ZCCHC7: variants seen among roughly 807,000 people sequenced by gnomAD.
The protein encoded by ZCCHC7 is zinc finger CCHC-type containing 7, also known as zinc finger CCHC domain-containing protein 7.
A neutral mutation model predicts 52.0 loss-of-function variants in ZCCHC7; 35 were observed. The ratio of observed to expected loss-of-function variants is 0.67; its 90% CI spans 0.51 to 0.89. ZCCHC7 has a LOEUF of 0.89. Among genes scored for constraint, ZCCHC7 ranks in the 40% least tolerant of loss-of-function variants. The pLI, the probability that ZCCHC7 is intolerant of heterozygous loss-of-function variation, is 0.00. For missense variants in ZCCHC7, 574 were observed against 649.1 expected (o/e 0.88, Z 1.26); for synonymous variants, 217 against 221.5 (o/e 0.98, Z 0.18).
chr9:37,155,007 A>G (rs921412526), intron 2 of ZCCHC7, among the ~76,000 whole-genome samples: 3 of 152,180 alleles, frequency 2.0e-5, no homozygotes, highest in Admixed American at 6.5e-5. Context: ...ACCTCATTGC[A>G]TTTAATATTC....
chr9:37,201,752 G>A (rs1456517353), intron 2 of ZCCHC7, among the ~76,000 whole-genome samples: 3 of 152,166 alleles, frequency 2.0e-5, no homozygotes, highest in Non-Finnish European at 4.4e-5. Flanking sequence ...ATGTGAAAAG[G>A]GCAGAGTAAT....
At chr9:37,350,428 G>A (rs533689092) in intron 7 of ZCCHC7, among the ~76,000 whole-genome samples, 6 of 152,268 alleles carry the variant, frequency 3.9e-5, no homozygotes, top group African/African-American at 9.6e-5. Context: ...CACTGCGCCC[G>A]GCCCAATTTT....
At chr9:37,143,103 CA>C (rs760864190) in intron 2 of ZCCHC7, among the ~76,000 whole-genome samples, 2 of 151,500 alleles carry the variant, frequency 1.3e-5, no homozygotes, top group Admixed American at 6.6e-5. Flanking sequence ...AATTGTCAGA[CA>C]ATTTTTTTTT....
chr9:37,147,336 A>C (rs1843476448), intron 2 of ZCCHC7: 1 of 152,008 alleles, frequency 6.6e-6, no homozygotes, highest in African/African-American at 2.4e-5. Context: ...ACTTTCATTT[A>C]ATGCTTTGTT....
intron 2 of ZCCHC7, among the ~76,000 whole-genome samples, chr9:37,240,965 A>T (rs537236431): frequency 6.6e-6 from 1 of 151,856 alleles, no homozygotes; most frequent in Non-Finnish European, 1.5e-5. Flanking sequence ...GAAATTTTAT[A>T]AAGTATTGAA....
intron 2 of ZCCHC7, among the ~76,000 whole-genome samples, chr9:37,149,663 A>G: frequency 6.6e-6 from 1 of 152,176 alleles, no homozygotes; most frequent in Admixed American, 6.5e-5. Flanking sequence ...GTAGATTCTT[A>G]TTATAGTGTT....
chr9:37,338,447 A>C (rs558938035), intron 6 of ZCCHC7, among the ~76,000 whole-genome samples: 1 of 152,324 alleles, frequency 6.6e-6, no homozygotes, highest in African/African-American at 2.4e-5. Context: ...ATGAAGACAT[A>C]AGTATACAAA....
intron 2 of ZCCHC7, among the ~76,000 whole-genome samples, chr9:37,134,937 G>T (rs1323385128): frequency 6.6e-6 from 1 of 152,000 alleles, no homozygotes; most frequent in African/African-American, 2.4e-5. Flanking sequence ...ATGCTGGTCA[G>T]GCTGGCCTCA....
intron 2 of ZCCHC7, among the ~76,000 whole-genome samples, chr9:37,216,758 A>G (rs2133239570): frequency 6.6e-6 from 1 of 152,294 alleles, no homozygotes; most frequent in South Asian, 2.1e-4. Context: ...TTGACATAAA[A>G]TTTTCTATTA....
intron 2 of ZCCHC7, among the ~76,000 whole-genome samples, chr9:37,261,926 G>A (rs1410320647): frequency 6.6e-6 from 1 of 152,080 alleles, no homozygotes; most frequent in Middle Eastern, 3.2e-3. Context: ...CTTAGTAAAT[G>A]AGAACTATGA....
chr9:37,256,441 T>A (rs956550077), intron 2 of ZCCHC7, among the ~76,000 whole-genome samples: 1 of 152,088 alleles, frequency 6.6e-6, no homozygotes, highest in Non-Finnish European at 1.5e-5. Flanking sequence ...GAGTAAGGAG[T>A]AAAAGTTCTG....
chr9:37,213,195 C>G (rs973856780), intron 2 of ZCCHC7, among the ~76,000 whole-genome samples: 3 of 152,112 alleles, frequency 2.0e-5, no homozygotes. Context: ...TGAGCTTCAA[C>G]TTTTTTTGAA....
At chr9:37,225,722 A>G (rs999435069) in intron 2 of ZCCHC7, among the ~76,000 whole-genome samples, 1 of 152,200 alleles carries the variant, frequency 6.6e-6, no homozygotes, top group South Asian at 2.1e-4. Context: ...GCATTTTACA[A>G]AGTTTATCAC....
intron 2 of ZCCHC7, among the ~76,000 whole-genome samples, chr9:37,188,381 C>T (rs1822780544): frequency 6.6e-6 from 1 of 151,810 alleles, no homozygotes; most frequent in Middle Eastern, 3.2e-3. Flanking sequence ...TCTCGAACTC[C>T]TGGGCTCAAG....
chr9:37,126,262 A>G, intron 1 of ZCCHC7, 50 bp from the exon 2 acceptor site: 3 of 1,503,656 alleles, frequency 2.0e-6, no homozygotes, highest in East Asian at 2.3e-5. Flanking sequence ...TTAAACTGGC[A>G]TGATCTGAAC....
At chr9:37,337,391 CT>C (rs1830723632) in intron 6 of ZCCHC7, among the ~76,000 whole-genome samples, 4 of 24,498 alleles carry the variant, frequency 1.6e-4, no homozygotes, top group African/African-American at 3.2e-4. Flanking sequence ...CCACCCCACC[CT>C]ACCCACCCAC....
At chr9:37,268,236 C>A (rs1214209064) in intron 2 of ZCCHC7, among the ~76,000 whole-genome samples, 1 of 152,044 alleles carries the variant, frequency 6.6e-6, no homozygotes, top group Admixed American at 6.6e-5. Context: ...CTAATGTGCT[C>A]TCAAAACCAA....
In ZCCHC7 at chr9:37,357,231, ACTTATTT is replaced by A. The variant is rs1339090921; in HGVS notation, c.1602_1608del (p.Phe534LeufsTer15). On this transcript the variant is annotated frameshift_variant, in exon 9 of 9. Coordinates refer to ENST00000336755, the MANE Select transcript of ZCCHC7 (RefSeq NM_032226.3). LOFTEE classifies it high-confidence loss of function. ...TGCTGGGAAGATGATGACAATGATA[ACTTATTT>A]CTTATTAAGCAGAGAAAAAAAAAGT... 33 of 1,605,526 alleles carry A rather than the reference ACTTATTT, an allele frequency of 2.1e-5. No homozygotes were observed. The highest frequency in any genetic ancestry group is 2.5e-5 in the Non-Finnish European group (30 of 1,177,886).
chr9:37,302,890 A>C (rs1829100732), intron 3 of ZCCHC7, among the ~76,000 whole-genome samples: 1 of 152,208 alleles, frequency 6.6e-6, no homozygotes, highest in Admixed American at 6.5e-5. Flanking sequence ...TGGATCTTAA[A>C]AGGATTCCAG....
Sources: gnomAD v4.1 joint callset for allele counts (sites outside exome capture counted in the v4.1 genomes callset) on GRCh38, gnomAD v4.1.1 for gene constraint, MANE v1.5 for transcripts, NCBI Gene and HGNC (gene_info 2026-07-23, HGNC 2026-07-21) for gene names.